The following CWF19L1 variants were observed in gnomAD, a reference collection of about 807,000 sequenced individuals.
CWF19L1 encodes the protein CWF19 like cell cycle control factor 1.
CWF19L1 carries 60 observed loss-of-function variants against 69.7 expected under a neutral mutation model. The ratio of observed to expected loss-of-function variants is 0.86; its 90% CI spans 0.70 to 1.07. CWF19L1 has a LOEUF of 1.07. Ranked by LOEUF, CWF19L1 falls within the 50% of genes least tolerant of loss-of-function variation. The pLI, the probability that CWF19L1 is intolerant of heterozygous loss-of-function variation, is 0.00. For synonymous variants in CWF19L1, 209 were observed against 222.2 expected (o/e 0.94, Z 0.53); for missense variants, 591 against 638.9 (o/e 0.92, Z 0.81).
At chr10:100,237,251 T>A in intron 11 of CWF19L1, 3 of 617,564 alleles carry the variant, frequency 4.9e-6, no homozygotes, top group Non-Finnish European at 9.3e-6. Context: ...GTGGCAGAGT[T>A]AGGCCCATTT....
At chr10:100,241,578 G>C (rs1245957521) in intron 10 of CWF19L1, among the ~76,000 whole-genome samples, 2 of 152,240 alleles carry the variant, frequency 1.3e-5, no homozygotes, top group African/African-American at 4.8e-5. Flanking sequence ...AGTCCATCTT[G>C]TGTTGCTATA....
At chr10:100,249,152 C>T (rs1433827652) in intron 7 of CWF19L1, 11 of 371,314 alleles carry the variant, frequency 3.0e-5, no homozygotes, top group Middle Eastern at 7.7e-4. Context: ...CCTTCTGCCC[C>T]AACCCTAGAA....
chr10:100,256,809 T>C (rs1847227969), intron 4 of CWF19L1, among the ~76,000 whole-genome samples: 1 of 152,132 alleles, frequency 6.6e-6, no homozygotes, highest in Non-Finnish European at 1.5e-5. Flanking sequence ...AGATTCTACA[T>C]GGACTTAAAT....
chr10:100,258,365 A>G (rs1396552365), intron 4 of CWF19L1, among the ~76,000 whole-genome samples: 4 of 152,198 alleles, frequency 2.6e-5, no homozygotes, highest in Admixed American at 2.6e-4. Flanking sequence ...CAAAAAATCT[A>G]TTTCACAGAA....
intron 5 of CWF19L1, 106 bp from the exon 6 acceptor site, chr10:100,253,645 G>C (rs1847115447): frequency 4.3e-6 from 3 of 694,164 alleles, no homozygotes; most frequent in Non-Finnish European, 7.7e-6. Flanking sequence ...CATGAATACA[G>C]ATGTGGACAG....
chr10:100,262,354 T>C (rs1847433784), intron 1 of CWF19L1: 1 of 985,378 alleles, frequency 1.0e-6, no homozygotes, highest in Non-Finnish European at 1.2e-6. Context: ...TCAACAAAAG[T>C]CAAAAATCCC....
At chr10:100,245,773 G>A (rs1017247302) in intron 9 of CWF19L1, 26 bp downstream of exon 9, 3 of 1,550,668 alleles carry the variant, frequency 1.9e-6, no homozygotes, top group African/African-American at 2.7e-5. Flanking sequence ...GTTCATAGAA[G>A]AAACCTCTGG....
At chr10:100,262,119 G>C in intron 1 of CWF19L1, 56 bp from the exon 2 acceptor site, 3 of 1,581,798 alleles carry the variant, frequency 1.9e-6, no homozygotes, top group Non-Finnish European at 2.6e-6. Context: ...GGCCTGCCGG[G>C]TTTGGTATAT....
chr10:100,262,867 A>G (rs1847453193), intron 1 of CWF19L1, among the ~76,000 whole-genome samples: 1 of 152,114 alleles, frequency 6.6e-6, no homozygotes, highest in Non-Finnish European at 1.5e-5. Flanking sequence ...TTGAAATATT[A>G]AAATTTTATT....
rs1468183765 is a variant in CWF19L1 at position 100,238,082 on chromosome 10, A to T, written c.1194T>A (p.Ser398Arg). Residue 398 changes from serine to arginine, a missense_variant, in exon 11 of 14, where the codon AGT becomes AGA. Ser to Arg is a moderately radical substitution (Grantham distance 110, BLOSUM62 -1). Around this residue, in one of 3 missense-constraint regions of CWF19L1, gnomAD observed 458 missense variants for 489.3 expected, o/e 0.94. Transcript: ENST00000354105. ...CAAATACAACACACCATTTCCCTCG[A>T]CTCTTAAAGAACCGTCTCAGAGTGG... Reference protein sequence around the residue: ...YKATLRRFFKSRGKWCVVFER... With the variant: ...YKATLRRFFKRRGKWCVVFER... The T allele has an allele frequency of 1.2e-6, 2 of 1,613,848 alleles. No individual in the cohort carries two copies. Among genetic ancestry groups the T allele is most frequent in the African/African-American group, 2.7e-5 (2 of 74,820 alleles).
intron 6 of CWF19L1, 94 bp from the exon 7 acceptor site, chr10:100,250,426 C>T (rs1188535778): frequency 7.9e-6 from 6 of 759,728 alleles, no homozygotes; most frequent in Non-Finnish European, 1.4e-5. Context: ...ATAAAAAGAG[C>T]AGAGGTCCTC....
In CWF19L1 at chr10:100,243,742, T is replaced by A. The variant is rs1256048016; in HGVS notation, c.1000A>T (p.Ser334Cys). The change falls in exon 10 of 14, where the codon AGC becomes TGC. Residue 334 changes from serine to cysteine, a missense_variant. Physicochemically the swap from Ser to Cys is moderately radical, Grantham distance 112. Coordinates refer to ENST00000354105, the MANE Select transcript of CWF19L1 (RefSeq NM_018294.6). ...ACCAAATGTTTTTCCACTTCAGGGC[T>A]AGCAAGGCAAAACCAGCAGGGTCCT... ...PPGPCWFCLA[S>C]PEVEKHLVVN... 2 of 1,614,078 alleles carry A rather than the reference T, an allele frequency of 1.2e-6. No individual in the cohort carries two copies. The highest frequency in any genetic ancestry group is 2.7e-5 in the African/African-American group (2 of 74,936).
intron 2 of CWF19L1, 76 bp downstream of exon 2, chr10:100,261,903 C>T: frequency 7.8e-7 from 1 of 1,286,750 alleles, no homozygotes; most frequent in Non-Finnish European, 1.1e-6. Context: ...TCAATCAAGA[C>T]TTAAAGGAGT....
intron 7 of CWF19L1, chr10:100,249,089 G>A (rs1479181698): frequency 7.9e-6 from 4 of 504,176 alleles, no homozygotes; most frequent in South Asian, 5.9e-5. Context: ...CACCCTGCCT[G>A]CACCTCCGCA....
chr10:100,253,373 T>C (rs1454834644), intron 6 of CWF19L1, 48 bp downstream of exon 6: 1 of 1,112,910 alleles, frequency 9.0e-7, no homozygotes, highest in South Asian at 1.3e-5. Flanking sequence ...ATACAGAAGA[T>C]CCATGGCAAA....
intron 4 of CWF19L1, among the ~76,000 whole-genome samples, chr10:100,258,409 C>T (rs1847283269): frequency 1.3e-5 from 2 of 152,186 alleles, no homozygotes; most frequent in African/African-American, 4.8e-5. Flanking sequence ...CTTTCCTTTC[C>T]TGGCACTAAA....
At chr10:100,239,948 G>A (rs929966230) in intron 10 of CWF19L1, among the ~76,000 whole-genome samples, 2 of 152,102 alleles carry the variant, frequency 1.3e-5, no homozygotes, top group Non-Finnish European at 2.9e-5. Flanking sequence ...AGCCTGAGTC[G>A]TCTAGCTATT....
chr10:100,245,995 A>T lies in CWF19L1; in HGVS notation c.850-82T>A. 4 of 963,476 alleles carry T rather than the reference A, an allele frequency of 4.2e-6. No individual in the cohort carries two copies. In the Admixed American group the frequency reaches 7.4e-5, roughly 18 times the overall value. 59.7% of individuals were successfully genotyped at this position (963,476 alleles called of 1,614,324 possible). A position where few individuals can be genotyped will look rare whatever the true frequency, so the allele number is the denominator to read the frequency against. ...GCCGACCACTCACATACAAGGGAACATTCCTGCCATGCCATACCTATCTTT... is the reference window on the plus strand; with the variant it reads ...GCCGACCACTCACATACAAGGGAACTTTCCTGCCATGCCATACCTATCTTT... On this transcript the variant is annotated intron_variant, in intron 8 of 13. Coordinates refer to ENST00000354105, the MANE Select transcript of CWF19L1 (RefSeq NM_018294.6).
chr10:100,260,145 G>C (rs1353702024), intron 4 of CWF19L1, 73 bp downstream of exon 4: 1 of 949,866 alleles, frequency 1.1e-6, no homozygotes, highest in Non-Finnish European at 1.6e-6. Context: ...TCCAGCCTGG[G>C]TGACAGAGCA....
Sources: allele counts gnomAD v4.1 joint callset (sites outside exome capture counted in the v4.1 genomes callset), GRCh38; gene constraint gnomAD v4.1.1; regional missense constraint gnomAD v4.1.1; transcripts MANE v1.5; gene names NCBI Gene and HGNC (gene_info 2026-07-23, HGNC 2026-07-21).